NPIPB7: variants seen among roughly 807,000 people sequenced by gnomAD.
NPIPB7 encodes nuclear pore complex-interacting protein family member B7.
For synonymous variants in NPIPB7, 9 were observed against 88.1 expected, an observed-to-expected ratio of 0.10 and a Z score of 5.03; for missense variants, 14 against 238.5, an observed-to-expected ratio of 0.06 and a Z score of 6.20.
chr16:28,456,877 C>T lies in NPIPB7; in HGVS notation c.792G>A (p.Lys264=), dbSNP rs1382236265. Residue 264 remains lysine, a synonymous_variant, in exon 7 of 7, where the codon AAG becomes AAA. Coordinates refer to ENST00000452313, the Ensembl canonical transcript of NPIPB7. The stretch of plus-strand genomic sequence containing the variant: ...GAGTGAGCAGACACTCGGGAGGTGT[C>T]TTGAGGCTCAGGGAGTTATCAGTTA... 3 of 1,391,760 alleles carry T rather than the reference C, an allele frequency of 2.2e-6. 1 individual carries two copies. The South Asian group carries it at 3.4e-5, about 16-fold the overall frequency. 86.2% of individuals were successfully genotyped at this position (1,391,760 alleles called of 1,614,324 possible).
At position 28,457,070 on chromosome 16, in the gene NPIPB7, A is replaced by G. The variant is rs747741857; in HGVS notation, c.643-44T>C. On this transcript the variant is annotated intron_variant, in intron 6 of 6. Transcript: ENST00000452313. ...GAATGTTTTCACACATATTCATTTG[A>G]TGGACAAAATTACCACCACCAACAC... is the stretch of plus-strand genomic sequence containing the variant. 22 of 1,024,904 alleles carry G rather than the reference A, an allele frequency of 2.1e-5. 3 individuals carry two copies. Among genetic ancestry groups the G allele is most frequent in the Middle Eastern group, 2.9e-4 (1 of 3,464 alleles). The allele number at this position is 1,024,904 out of a possible 1,614,324, so 63.5% of individuals were successfully genotyped here. A position where few individuals can be genotyped will look rare whatever the true frequency, so the allele number is the denominator to read the frequency against.
chr16:28,467,276 C>CA (rs2045909282), intron 1 of NPIPB7, among the ~76,000 whole-genome samples: 1 of 99,498 alleles, frequency 1.0e-5, no homozygotes, highest in Non-Finnish European at 2.2e-5. Context: ...TTTTTGGAGA[C>CA]AGAGTTCCGC....
upstream of NPIPB7, among the ~76,000 whole-genome samples, chr16:28,470,844 G>A (rs1390438624): frequency 1.1e-4 from 14 of 127,900 alleles, no homozygotes; most frequent in African/African-American, 3.5e-4. Flanking sequence ...GCAAGGGAGC[G>A]TGAGGCTTAG....
At chr16:28,467,528 T>A (rs1160944944) in intron 1 of NPIPB7, among the ~76,000 whole-genome samples, 1 of 145,970 alleles carries the variant, frequency 6.9e-6, no homozygotes, top group African/African-American at 2.5e-5. Context: ...AGTGCTGGGA[T>A]TACAGGTGTG....
intron 2 of NPIPB7, among the ~76,000 whole-genome samples, chr16:28,463,789 C>CA (rs2045887602): frequency 7.5e-6 from 1 of 132,474 alleles, no homozygotes; most frequent in African/African-American, 2.7e-5. Context: ...GTAATCCCAG[C>CA]ACTTTGGGAG....
At position 28,457,015 on chromosome 16, in the gene NPIPB7, C is replaced by T. The variant is rs764279988; in HGVS notation, c.654G>A (p.Ala218=). The change falls in exon 7 of 7, where the codon GCG becomes GCA. Residue 218 remains alanine (A), a synonymous_variant. Transcript: ENST00000452313. Reference sequence around the variant, plus strand: ...CTGAAGAATGACAATGCTCCGCTGCCGCCATTCTGACCTGTAGGGCCAAAG... The same window carrying T: ...CTGAAGAATGACAATGCTCCGCTGCTGCCATTCTGACCTGTAGGGCCAAAG... The T allele has an allele frequency of 2.0e-4, 251 of 1,266,672 alleles. 48 individuals are homozygous for T. Among genetic ancestry groups the T allele is most frequent in the Middle Eastern group, 7.7e-4 (3 of 3,878 alleles). The allele number at this position is 1,266,672 out of a possible 1,614,324, so 78.5% of individuals were successfully genotyped here.
intron 4 of NPIPB7, among the ~76,000 whole-genome samples, chr16:28,462,082 A>T (rs1448638247): frequency 2.0e-5 from 3 of 147,486 alleles, no homozygotes; most frequent in Non-Finnish European, 3.0e-5. Flanking sequence ...GCACCATAGC[A>T]CTCCAGCCTG....
chr16:28,470,594 G>T (rs1311100383), upstream of NPIPB7: 5 of 50,264 alleles, frequency 9.9e-5, no homozygotes, highest in East Asian at 9.0e-4. Flanking sequence ...GAAGGGGAGG[G>T]GGAGGGGAAG....
At chr16:28,456,831 C>T in exon 7 of NPIPB7, 1 of 1,339,884 alleles carries the variant, frequency 7.5e-7, no homozygotes, top group Non-Finnish European at 1.0e-6. Context: ...TTGATATTAT[C>T]ATCCACTGAG....
chr16:28,470,530 C>A (rs1303631330), exon 1 of NPIPB7: 1 of 616,464 alleles, frequency 1.6e-6, no homozygotes, highest in Non-Finnish European at 2.4e-6. Flanking sequence ...GGACCGGGGC[C>A]GGATCTGAGT....
intron 4 of NPIPB7, among the ~76,000 whole-genome samples, chr16:28,461,407 CT>C (rs2045867915): frequency 7.1e-6 from 1 of 141,656 alleles, no homozygotes; most frequent in Non-Finnish European, 1.5e-5. Flanking sequence ...CAATTCATTG[CT>C]AAATATTTTT....
At chr16:28,467,712 G>T (rs2045914071) in intron 1 of NPIPB7, among the ~76,000 whole-genome samples, 1 of 145,202 alleles carries the variant, frequency 6.9e-6, no homozygotes, top group South Asian at 2.2e-4. Flanking sequence ...TGAGTAGCTG[G>T]GAGTACAGGT....
At chr16:28,463,332 A>G (rs2045882906) in intron 2 of NPIPB7, among the ~76,000 whole-genome samples, 2 of 133,778 alleles carry the variant, frequency 1.5e-5, no homozygotes, top group Non-Finnish European at 3.2e-5. Flanking sequence ...CGGAGGTTGC[A>G]GTGAGCCGAG....
intron 1 of NPIPB7, among the ~76,000 whole-genome samples, chr16:28,468,573 C>G (rs1013516691): frequency 7.4e-6 from 1 of 136,016 alleles, no homozygotes; most frequent in Non-Finnish European, 1.6e-5. Context: ...CTTTGGGAAG[C>G]CGAGGTGGGT....
chr16:28,470,609 A>G (rs1354867368), upstream of NPIPB7: 513 of 8,380 alleles, frequency 0.061, no homozygotes, highest in Non-Finnish European at 0.085. Flanking sequence ...GGGAAGGGGA[A>G]GGGGAGGGGA....
chr16:28,465,487 G>A (rs1173067500), intron 2 of NPIPB7, among the ~76,000 whole-genome samples: 20 of 141,966 alleles, frequency 1.4e-4, no homozygotes, highest in Non-Finnish European at 2.8e-4. Context: ...TCGTCTCGGG[G>A]GTGAGAAAAG....
rs1205576402 is a variant in NPIPB7 at position 28,462,138 on chromosome 16, G to A, written c.545+536C>T. Among the ~76,000 whole-genome samples, 11 of 149,882 alleles carry A rather than the reference G, an allele frequency of 7.3e-5. 1 individual carries two copies. Among genetic ancestry groups the A allele is most frequent in the African/African-American group, 2.2e-4 (9 of 40,020 alleles). ...TCTCAAAATTTAAAAAAAAAAAAAA[G>A]GCTGGGTGTGGTGGCTCACGCCTCT... On this transcript the variant is annotated intron_variant, in intron 4 of 6. Transcript: ENST00000452313.
upstream of NPIPB7, among the ~76,000 whole-genome samples, chr16:28,471,585 A>G (rs2045950596): frequency 9.5e-6 from 1 of 105,272 alleles, no homozygotes; most frequent in South Asian, 3.4e-4. Flanking sequence ...CTTATAAGAC[A>G]TAAACATAAG....
upstream of NPIPB7, among the ~76,000 whole-genome samples, chr16:28,470,914 C>T (rs2045946363): frequency 9.0e-6 from 1 of 110,842 alleles, no homozygotes. Context: ...CGGTCTGGGC[C>T]CTCCCTTAGC....
Sources: gnomAD v4.1 joint callset for allele counts (sites outside exome capture counted in the v4.1 genomes callset) on GRCh38, gnomAD v4.1.1 for gene constraint, MANE v1.5 for transcripts, NCBI Gene and HGNC (gene_info 2026-07-23, HGNC 2026-07-21) for gene names.